The following LRBA variants were observed in gnomAD, a reference collection of about 807,000 sequenced individuals.
LRBA encodes LPS responsive beige-like anchor protein.
Under a neutral mutation model 330.0 loss-of-function variants are expected in LRBA, and 176 were observed. The ratio of observed to expected loss-of-function variants is 0.53; its 90% CI spans 0.47 to 0.60. LRBA has a LOEUF of 0.60. Ranked by LOEUF, LRBA falls within the 20% of genes least tolerant of loss-of-function variation. LRBA has a pLI of 0.00. For synonymous variants in LRBA, 1,230 were observed against 1,193.0 expected, an observed-to-expected ratio of 1.03 and a Z score of -0.64; for missense variants, 3,259 against 3,444.8, an observed-to-expected ratio of 0.95 and a Z score of 1.35.
At chr4:150,759,841 G>A (rs746669171) in intron 35 of LRBA, among the ~76,000 whole-genome samples, 204 of 152,172 alleles carry the variant, frequency 1.3e-3, no homozygotes, top group Middle Eastern at 3.4e-3. Context: ...AACTAAAAGC[G>A]CTTGTCAAGT....
chr4:150,614,638 G>A (rs934760732), intron 37 of LRBA, among the ~76,000 whole-genome samples: 5 of 152,118 alleles, frequency 3.3e-5, no homozygotes, highest in African/African-American at 1.2e-4. Flanking sequence ...TTAATTAAAT[G>A]TTACATGGAA....
chr4:150,376,522 A>C (rs1331716696), intron 47 of LRBA, among the ~76,000 whole-genome samples: 1 of 152,226 alleles, frequency 6.6e-6, no homozygotes, highest in Non-Finnish European at 1.5e-5. Flanking sequence ...AATCAAAGAA[A>C]TATTAGCAAA....
intron 38 of LRBA, among the ~76,000 whole-genome samples, chr4:150,591,308 C>T (rs1263487737): frequency 3.9e-5 from 6 of 151,946 alleles, no homozygotes; most frequent in African/African-American, 7.3e-5. Context: ...GAGAAGAATC[C>T]AGAATTAAAA....
At position 150,908,874 on chromosome 4, in the gene LRBA, A is replaced by G. The variant is rs749926505; in HGVS notation, c.1162-17T>C. On this transcript the variant is annotated splice_polypyrimidine_tract_variant and intron_variant, in intron 9 of 56. Coordinates refer to ENST00000651943, the MANE Select transcript of LRBA (RefSeq NM_001364905.1). The stretch of plus-strand genomic sequence containing the variant: ...AAATGTACCCTAAGAATTAATTAAA[A>G]ACAGTTAAATAGTATGCCACAAAGA... The G allele has an allele frequency of 6.4e-7, 1 of 1,565,004 alleles. No homozygotes were observed. Among genetic ancestry groups the G allele is most frequent in the South Asian group, 1.1e-5 (1 of 89,050 alleles).
chr4:150,609,759 C>A (rs1428799925), intron 37 of LRBA, among the ~76,000 whole-genome samples: 2 of 151,894 alleles, frequency 1.3e-5, no homozygotes, highest in African/African-American at 2.4e-5. Context: ...GCTAGGATGG[C>A]GGTTTAAAGA....
intron 33 of LRBA, among the ~76,000 whole-genome samples, chr4:150,805,505 A>G (rs1407505356): frequency 3.8e-5 from 4 of 105,170 alleles, no homozygotes; most frequent in Non-Finnish European, 8.3e-5. Flanking sequence ...GAAGGAGGAG[A>G]AAGAGAAGGA....
chr4:150,459,152 G>C (rs1228864609), intron 44 of LRBA, among the ~76,000 whole-genome samples: 1 of 151,882 alleles, frequency 6.6e-6, no homozygotes, highest in Non-Finnish European at 1.5e-5. Flanking sequence ...AGCTGCCGCA[G>C]TTCTAATAGC....
At chr4:150,282,328 G>T in intron 55 of LRBA, 122 bp downstream of exon 55, 2 of 803,018 alleles carry the variant, frequency 2.5e-6, no homozygotes, top group Non-Finnish European at 2.1e-6. Context: ...TTTTTTGTTG[G>T]TATGGAAAAG....
chr4:150,266,710 A>AAGTC (rs1315451071), intron 56 of LRBA, among the ~76,000 whole-genome samples: 37 of 152,238 alleles, frequency 2.4e-4, no homozygotes, highest in African/African-American at 8.2e-4. Context: ...AAAGTGGCAA[A>AAGTC]AGTCAGTCTT....
chr4:150,932,910 T>C (rs1345317059), intron 2 of LRBA, among the ~76,000 whole-genome samples: 1 of 151,852 alleles, frequency 6.6e-6, no homozygotes, highest in Non-Finnish European at 1.5e-5. Context: ...AGTGAGACCT[T>C]GTCTCAAAAC....
At chr4:150,950,314 T>C (rs202176884) in intron 2 of LRBA, among the ~76,000 whole-genome samples, 1 of 152,136 alleles carries the variant, frequency 6.6e-6, no homozygotes, top group East Asian at 1.9e-4. Context: ...GATAGCAAAA[T>C]GTCATGAATT....
At chr4:150,763,580 T>C (rs987846251) in intron 34 of LRBA, among the ~76,000 whole-genome samples, 1 of 151,990 alleles carries the variant, frequency 6.6e-6, no homozygotes, top group Non-Finnish European at 1.5e-5. Context: ...AGCAATCAAA[T>C]TCCACAAGAC....
At chr4:150,809,176 A>G (rs1578852791) in intron 31 of LRBA, among the ~76,000 whole-genome samples, 1 of 152,194 alleles carries the variant, frequency 6.6e-6, no homozygotes, top group African/African-American at 2.4e-5. Flanking sequence ...AAGGATGGAA[A>G]TAATATGTGA....
chr4:150,305,814 G>T (rs1454313126), intron 52 of LRBA, among the ~76,000 whole-genome samples: 1 of 151,962 alleles, frequency 6.6e-6, no homozygotes, highest in Non-Finnish European at 1.5e-5. Flanking sequence ...TCCTGTTCTG[G>T]CAGCCTTCCT....
chr4:150,420,110 C>T (rs985035232), intron 46 of LRBA, among the ~76,000 whole-genome samples: 1 of 150,446 alleles, frequency 6.6e-6, no homozygotes, highest in African/African-American at 2.4e-5. Context: ...TGGTGGCATG[C>T]ACCTGTGCCT....
intron 42 of LRBA, among the ~76,000 whole-genome samples, chr4:150,482,811 G>A (rs72734481): frequency 3.1e-4 from 47 of 152,002 alleles, no homozygotes; most frequent in Non-Finnish European, 5.6e-4. Flanking sequence ...TGTTTATTCG[G>A]TATCTATATC....
chr4:150,942,897 A>G (rs934508626), intron 2 of LRBA, among the ~76,000 whole-genome samples: 10 of 152,328 alleles, frequency 6.6e-5, no homozygotes, highest in African/African-American at 1.9e-4. Context: ...ATAGTGAGCT[A>G]AGTATTTGAA....
intron 13 of LRBA, 25 bp downstream of exon 13, chr4:150,905,813 A>G: frequency 6.4e-7 from 1 of 1,556,808 alleles, no homozygotes; most frequent in Non-Finnish European, 8.7e-7. Context: ...TAGTAAAACA[A>G]TATCAATATA....
intron 2 of LRBA, among the ~76,000 whole-genome samples, chr4:150,993,164 GA>G (rs1482007449): frequency 6.6e-6 from 1 of 152,022 alleles, no homozygotes; most frequent in African/African-American, 2.4e-5. Context: ...TTTTAAAAAA[GA>G]AAACATTGGG....
Sources: allele counts gnomAD v4.1 joint callset (sites outside exome capture counted in the v4.1 genomes callset), GRCh38; gene constraint gnomAD v4.1.1; transcripts MANE v1.5; gene names NCBI Gene and HGNC (gene_info 2026-07-23, HGNC 2026-07-21).